The following PPP1CC variants were observed in gnomAD, a reference collection of about 807,000 sequenced individuals.
PPP1CC encodes the protein serine/threonine-protein phosphatase PP1-gamma catalytic subunit.
Under a neutral mutation model 38.4 loss-of-function variants are expected in PPP1CC, and 16 were observed. The ratio of observed to expected loss-of-function variants is 0.42; its 90% confidence interval spans 0.28 to 0.63. PPP1CC has a LOEUF of 0.63. Ranked by LOEUF, PPP1CC falls within the 30% of genes least tolerant of loss-of-function variation. The pLI, the probability that PPP1CC is intolerant of heterozygous loss-of-function variation, is 0.25. For synonymous variants in PPP1CC, 158 were observed against 136.0 expected (o/e 1.16, Z -1.13); for missense variants, 170 against 391.3 (o/e 0.43, Z 4.77).
Position 110,722,062 on chromosome 12 carries a change from A to C in PPP1CC, c.882+73T>G. Reference sequence around the variant, plus strand: ...CAGCATAAGTGAACACTAGGCAAAAAGTAGCAATTATATTTTTCAATCAGC... The same window carrying C: ...CAGCATAAGTGAACACTAGGCAAAACGTAGCAATTATATTTTTCAATCAGC... On this transcript the variant is annotated intron_variant, in intron 6 of 6. Coordinates refer to ENST00000335007, the MANE Select transcript of PPP1CC (RefSeq NM_002710.4). The surrounding 1 kb of genome is among the most constrained non-coding windows in gnomAD (Gnocchi z 5.4). 6.3e-7 allele frequency: 1 copy of C among 1,589,710 alleles called. No homozygotes were observed. The highest frequency in any genetic ancestry group is 1.7e-5 in the Admixed American group (1 of 58,094).
the PPP1CC span, among the ~76,000 whole-genome samples, chr12:110,709,250 GAC>G: frequency 6.6e-6 from 1 of 150,378 alleles, no homozygotes; most frequent in East Asian, 1.9e-4. Flanking sequence ...TTTTTTTTGA[GAC>G]AGAGTCTCCC....
chr12:110,724,947 G>GGCGT, intron 3 of PPP1CC, 183 bp from the exon 4 acceptor site: 1 of 388,374 alleles, frequency 2.6e-6, no homozygotes, highest in South Asian at 2.5e-5. Flanking sequence ...ATAAGAGCTG[G>GGCGT]GCGTGGTGGG....
At chr12:110,736,478 T>A (rs548034465) in intron 1 of PPP1CC, among the ~76,000 whole-genome samples, 160 of 152,152 alleles carry the variant, frequency 1.1e-3, no homozygotes, top group Non-Finnish European at 1.9e-3. Flanking sequence ...ATTGAGTCTC[T>A]ACCAAAAATA....
chr12:110,736,897 T>A (rs1281133906), intron 1 of PPP1CC, among the ~76,000 whole-genome samples: 1 of 152,232 alleles, frequency 6.6e-6, no homozygotes, highest in African/African-American at 2.4e-5. Context: ...AAGCCCTAGC[T>A]GAATTCTAAT....
Position 110,722,329 on chromosome 12 carries a change from T to A in PPP1CC, c.748-60A>T. 1 of 1,591,240 alleles carries A rather than the reference T, an allele frequency of 6.3e-7. No individual in the cohort carries two copies. The highest frequency in any genetic ancestry group is 8.6e-7 in the Non-Finnish European group (1 of 1,163,764). ...CAAATATTAGGTGAGTAAAACCATG[T>A]TTCAGTTTCCCATTGAGCCTGATAT... On this transcript the variant is annotated intron_variant, in intron 5 of 6. Coordinates refer to ENST00000335007, the MANE Select transcript of PPP1CC (RefSeq NM_002710.4). This position sits in a 1 kb window ranked among gnomAD's most constrained non-coding sequence, Gnocchi z 5.4.
downstream of PPP1CC, among the ~76,000 whole-genome samples, chr12:110,717,617 C>T (rs1029800043): frequency 2.0e-5 from 3 of 151,896 alleles, no homozygotes; most frequent in Admixed American, 6.6e-5. Flanking sequence ...AGGATGGTCT[C>T]GATCTCCTGA....
intron 1 of PPP1CC, among the ~76,000 whole-genome samples, chr12:110,733,335 C>T (rs2069903044): frequency 6.6e-6 from 1 of 152,186 alleles, no homozygotes; most frequent in South Asian, 2.1e-4. Flanking sequence ...GAGTCCCACA[C>T]TTATGAATGA....
rs748883933 is a variant in PPP1CC at position 110,721,097 on chromosome 12, G to T, written c.951C>A (p.Ile317=). Reference sequence around the variant, plus strand: ...ACATCTATTTCTTTGCTTGCTTTGTGATCATACCCCTTGGAGGCGTTACAG... The same window carrying T: ...ACATCTATTTCTTTGCTTGCTTTGTTATCATACCCCTTGGAGGCGTTACAG... The part of the protein sequence containing the change: ...TRPVTPPRGM[I]TKQAKK The change falls in exon 7 of 7, where the codon ATC becomes ATA. Residue 317 remains isoleucine (I), a synonymous_variant. Transcript: ENST00000335007. 6.2e-7 allele frequency: 1 copy of T among 1,613,806 alleles called. No homozygotes were observed. Among genetic ancestry groups the T allele is most frequent in the Non-Finnish European group, 8.5e-7 (1 of 1,179,754 alleles).
At chr12:110,721,374 A>G in intron 6 of PPP1CC, 1 of 448,268 alleles carries the variant, frequency 2.2e-6, no homozygotes, top group East Asian at 3.9e-5. Context: ...TATTATCTGG[A>G]CAAATTATTT....
Position 110,720,865 on chromosome 12 carries a change from T to TA in PPP1CC, c.*210dup. 1 of 450,884 alleles carries TA rather than the reference T, an allele frequency of 2.2e-6. No individual in the cohort carries two copies. Among genetic ancestry groups the TA allele is most frequent in the South Asian group, 3.0e-5 (1 of 33,216 alleles). 27.9% of individuals were successfully genotyped at this position (450,884 alleles called of 1,614,324 possible). On this transcript the variant is annotated 3_prime_UTR_variant, in exon 7 of 7. Coordinates refer to ENST00000335007, the MANE Select transcript of PPP1CC (RefSeq NM_002710.4). ...ATTGTTTGCAAAAGGAACAGAGAAT[T>TA]AAAAAACAAAACACTTTTCTTTTTG...
intron 4 of PPP1CC, among the ~76,000 whole-genome samples, chr12:110,724,122 C>T (rs1028659284): frequency 6.6e-6 from 1 of 152,042 alleles, no homozygotes; most frequent in Non-Finnish European, 1.5e-5. Context: ...GCTGCAGTCC[C>T]AGCTACTCAG....
At chr12:110,724,372 G>T (rs1487916018) in intron 4 of PPP1CC, among the ~76,000 whole-genome samples, 2 of 152,198 alleles carry the variant, frequency 1.3e-5, no homozygotes, top group African/African-American at 4.8e-5. Context: ...ACCAGACTGG[G>T]CAACGTGGTG....
At chr12:110,721,423 C>T (rs1355136640) in intron 6 of PPP1CC, 1 of 299,680 alleles carries the variant, frequency 3.3e-6, no homozygotes, top group Non-Finnish European at 6.2e-6. Flanking sequence ...AAGTCTACAC[C>T]TGGTAGTATC....
the PPP1CC span, among the ~76,000 whole-genome samples, chr12:110,711,652 C>A: frequency 2.0e-5 from 3 of 151,990 alleles, no homozygotes; most frequent in African/African-American, 7.3e-5. Flanking sequence ...TAGCCAGGGG[C>A]AGTGGCTCAT....
chr12:110,715,692 C>T (rs2069681793), downstream of PPP1CC, among the ~76,000 whole-genome samples: 2 of 152,010 alleles, frequency 1.3e-5, no homozygotes, highest in Non-Finnish European at 2.9e-5. Context: ...GATCTCAGCT[C>T]ACTGCAACCT....
chr12:110,742,683 T>A lies in PPP1CC; in HGVS notation c.25A>T (p.Ile9Phe). Reference sequence around the variant, plus strand: ...AGCAGCCGTTGGATAATGCTGTCGATGTTGAGTTTATCTAAATCCGCCATC... The same window carrying A: ...AGCAGCCGTTGGATAATGCTGTCGAAGTTGAGTTTATCTAAATCCGCCATC... MADLDKLN[I>F]DSIIQRLLEV... The change falls in exon 1 of 7, where the codon ATC becomes TTC. Residue 9 changes from isoleucine (I) to phenylalanine (F), a missense_variant. Physicochemically the swap from Ile to Phe is conservative, Grantham distance 21. Coordinates refer to ENST00000335007, the MANE Select transcript of PPP1CC (RefSeq NM_002710.4). 1 of 1,468,876 alleles carries A rather than the reference T, an allele frequency of 6.8e-7. No individual in the cohort carries two copies. The highest frequency in any genetic ancestry group is 1.4e-5 in the South Asian group (1 of 70,836). The allele number at this position is 1,468,876 out of a possible 1,614,324, so 91.0% of individuals were successfully genotyped here.
At chr12:110,724,612 C>A in intron 4 of PPP1CC, 48 bp downstream of exon 4, 1 of 1,088,720 alleles carries the variant, frequency 9.2e-7, no homozygotes, top group East Asian at 2.4e-5. Flanking sequence ...AGTGTTCACC[C>A]TTTGGAAGGG....
At chr12:110,742,530 G>C in intron 1 of PPP1CC, 123 bp downstream of exon 1, 1 of 796,854 alleles carries the variant, frequency 1.3e-6, no homozygotes, top group Non-Finnish European at 1.8e-6. Flanking sequence ...GCCAACTCGA[G>C]GAGCTCACTC....
At chr12:110,734,533 G>C (rs139594343) in intron 1 of PPP1CC, among the ~76,000 whole-genome samples, 1 of 152,006 alleles carries the variant, frequency 6.6e-6, no homozygotes, top group South Asian at 2.1e-4. Context: ...AGTACAGATG[G>C]GGTTTCTCCA....
Sources: allele counts gnomAD v4.1 joint callset (sites outside exome capture counted in the v4.1 genomes callset), GRCh38; gene constraint gnomAD v4.1.1; non-coding constraint Gnocchi (gnomAD v3.1); transcripts MANE v1.5; gene names NCBI Gene and HGNC (gene_info 2026-07-23, HGNC 2026-07-21).